ABI1: variants seen among roughly 807,000 people sequenced by gnomAD.
ABI1 encodes abl interactor 1.
Under a neutral mutation model 54.6 loss-of-function variants are expected in ABI1, and 14 were observed. The ratio of observed to expected loss-of-function variants is 0.26; its 90% CI spans 0.17 to 0.40. ABI1 has a LOEUF of 0.40. ABI1 is among the 10% of genes least tolerant of loss of function. ABI1 has a pLI of 1.00. For synonymous variants in ABI1, 194 were observed against 209.3 expected (o/e 0.93, Z 0.63); for missense variants, 443 against 598.3 (o/e 0.74, Z 2.71).
chr10:26,839,927 C>T (rs753266424), intron 1 of ABI1: 26 of 584,402 alleles, frequency 4.4e-5, no homozygotes, highest in Non-Finnish European at 7.0e-5. Context: ...GACTTTGGGA[C>T]CACAGTGAGC....
intron 2 of ABI1, among the ~76,000 whole-genome samples, chr10:26,778,035 A>G (rs1841645707): frequency 6.6e-6 from 1 of 151,978 alleles, no homozygotes; most frequent in Non-Finnish European, 1.5e-5. Context: ...CTCTGTACCT[A>G]CTCTGTACAA....
intron 2 of ABI1, among the ~76,000 whole-genome samples, chr10:26,806,743 G>A (rs1258687084): frequency 6.6e-6 from 1 of 152,062 alleles, no homozygotes; most frequent in Non-Finnish European, 1.5e-5. Context: ...CACCTTACAG[G>A]GGAAGCAGCA....
chr10:26,777,299 C>A, intron 2 of ABI1, 58 bp from the exon 3 acceptor site: 1 of 1,382,662 alleles, frequency 7.2e-7, no homozygotes, highest in South Asian at 1.4e-5. Flanking sequence ...TGTTTGCTAT[C>A]CATATACACT....
intron 1 of ABI1, among the ~76,000 whole-genome samples, chr10:26,838,311 C>T (rs964523105): frequency 1.3e-5 from 2 of 152,106 alleles, no homozygotes; most frequent in Non-Finnish European, 2.9e-5. Flanking sequence ...CATGAGCCAC[C>T]GCACCCGGCC....
intron 2 of ABI1, among the ~76,000 whole-genome samples, chr10:26,799,781 T>C (rs1564515556): frequency 6.6e-6 from 1 of 152,170 alleles, no homozygotes; most frequent in Non-Finnish European, 1.5e-5. Flanking sequence ...ATGATCTTAA[T>C]GACAAATTAT....
intron 7 of ABI1, chr10:26,763,941 A>T: frequency 1.9e-6 from 3 of 1,612,580 alleles, no homozygotes; most frequent in Non-Finnish European, 2.5e-6. Context: ...CTCCAGAAGG[A>T]GGAGGGACAG....
intron 9 of ABI1, among the ~76,000 whole-genome samples, chr10:26,753,441 T>G (rs1837886357): frequency 6.6e-6 from 1 of 152,186 alleles, no homozygotes; most frequent in Admixed American, 6.5e-5. Context: ...ATTTATCACA[T>G]TAGTTTAATG....
chr10:26,857,224 G>A (rs1448029605), intron 1 of ABI1, among the ~76,000 whole-genome samples: 1 of 148,804 alleles, frequency 6.7e-6, no homozygotes, highest in Admixed American at 6.9e-5. Context: ...GAGAGGCTGA[G>A]GCAGGAGAAT....
intron 1 of ABI1, among the ~76,000 whole-genome samples, chr10:26,823,858 T>C (rs1451546739): frequency 3.3e-5 from 5 of 151,726 alleles, no homozygotes; most frequent in African/African-American, 1.2e-4. Flanking sequence ...AGGCAAGAAC[T>C]CCTCAAAGAG....
At chr10:26,765,564 A>G (rs570697073) in intron 6 of ABI1, among the ~76,000 whole-genome samples, 1 of 150,732 alleles carries the variant, frequency 6.6e-6, no homozygotes, top group South Asian at 2.1e-4. Flanking sequence ...TCTGCATCCC[A>G]TGAATACTGT....
chr10:26,794,424 A>G (rs1588897549), intron 2 of ABI1, among the ~76,000 whole-genome samples: 1 of 151,994 alleles, frequency 6.6e-6, no homozygotes, highest in East Asian at 1.9e-4. Flanking sequence ...ATAAAAAATA[A>G]GTAAAATAAA....
intron 1 of ABI1, among the ~76,000 whole-genome samples, chr10:26,830,923 G>T (rs2048630085): frequency 6.6e-6 from 1 of 151,954 alleles, no homozygotes; most frequent in African/African-American, 2.4e-5. Context: ...TAAAGACAGT[G>T]TCTTTCTCTG....
intron 2 of ABI1, among the ~76,000 whole-genome samples, chr10:26,802,241 T>C (rs1262923707): frequency 6.6e-6 from 1 of 152,244 alleles, no homozygotes; most frequent in Non-Finnish European, 1.5e-5. Context: ...AAAGAACCTT[T>C]AAATGCCATT....
At chr10:26,770,390 C>A (rs1840532213) in intron 4 of ABI1, 45 bp from the exon 5 acceptor site, 1 of 1,539,292 alleles carries the variant, frequency 6.5e-7, no homozygotes, top group Non-Finnish European at 9.0e-7. Flanking sequence ...TCAAATTGTT[C>A]TCCTGGTGTT....
intron 1 of ABI1, among the ~76,000 whole-genome samples, chr10:26,833,675 G>A (rs2048833879): frequency 6.6e-6 from 1 of 151,836 alleles, no homozygotes; most frequent in South Asian, 2.1e-4. Flanking sequence ...GAATTATATA[G>A]CAAGAGCCAT....
intron 2 of ABI1, among the ~76,000 whole-genome samples, chr10:26,801,991 G>A (rs1030171494): frequency 1.3e-5 from 2 of 152,228 alleles, no homozygotes; most frequent in Middle Eastern, 3.2e-3. Context: ...ACTCCTAATA[G>A]CATGTTTGCT....
intron 1 of ABI1, among the ~76,000 whole-genome samples, chr10:26,840,861 T>A (rs2049445612): frequency 6.6e-6 from 1 of 152,192 alleles, no homozygotes; most frequent in Non-Finnish European, 1.5e-5. Flanking sequence ...AAAGCATTTT[T>A]AAAAAGGCAT....
At chr10:26,826,372 A>G (rs2048305727) in intron 1 of ABI1, among the ~76,000 whole-genome samples, 1 of 152,224 alleles carries the variant, frequency 6.6e-6, no homozygotes, top group Non-Finnish European at 1.5e-5. Context: ...AGATTCCATA[A>G]ACCATGCTGT....
intron 1 of ABI1, among the ~76,000 whole-genome samples, chr10:26,859,760 T>C (rs1226154834): frequency 2.0e-5 from 3 of 152,328 alleles, no homozygotes; most frequent in African/African-American, 7.2e-5. Context: ...TCACATACTA[T>C]ACATTTACTT....
Sources: allele counts gnomAD v4.1 joint callset (sites outside exome capture counted in the v4.1 genomes callset), GRCh38; gene constraint gnomAD v4.1.1; transcripts MANE v1.5; gene names NCBI Gene and HGNC (gene_info 2026-07-23, HGNC 2026-07-21).